The following PPM1B variants were observed in gnomAD, a reference collection of about 807,000 sequenced individuals.
The protein encoded by PPM1B is protein phosphatase, Mg2+/Mn2+ dependent 1B.
In PPM1B, 22 loss-of-function variants were observed where a neutral mutation model predicts 43.0. The observed-to-expected ratio is 0.51, with a 90% CI of 0.37 to 0.73. The LOEUF (loss-of-function observed/expected upper bound fraction) is 0.73. PPM1B is among the 30% of genes least tolerant of loss of function. The probability of loss-of-function intolerance (pLI) is 0.00; values close to 1 mark genes in which losing one functional copy is unlikely to be tolerated. For synonymous variants in PPM1B, 217 were observed against 197.9 expected, an observed-to-expected ratio of 1.10 and a Z score of -0.81; for missense variants, 632 against 584.2, an observed-to-expected ratio of 1.08 and a Z score of -0.84.
intron 2 of PPM1B, 111 bp from the exon 3 acceptor site, chr2:44,209,099 C>G (rs1208725301): frequency 2.0e-6 from 2 of 988,756 alleles, no homozygotes. Flanking sequence ...ATGTGTTAAA[C>G]ATAAACGTTC....
downstream of PPM1B, chr2:44,233,148 T>G (rs1434391807): frequency 2.1e-6 from 2 of 969,454 alleles, no homozygotes; most frequent in South Asian, 4.8e-5. Flanking sequence ...TTGTTTTACA[T>G]GTGGGTTTCT....
intron 1 of PPM1B, among the ~76,000 whole-genome samples, chr2:44,169,495 G>GC: frequency 6.6e-6 from 1 of 152,358 alleles, no homozygotes; most frequent in Middle Eastern, 3.4e-3. Context: ...CCTCCGCTGG[G>GC]CTGAGGTCTG....
intron 3 of PPM1B, among the ~76,000 whole-genome samples, chr2:44,213,533 C>T (rs1055849059): frequency 6.6e-6 from 1 of 151,942 alleles, no homozygotes; most frequent in Non-Finnish European, 1.5e-5. Context: ...TATGTAATTA[C>T]AATTAAAAGT....
At chr2:44,205,587 A>T (rs985062154) in intron 2 of PPM1B, among the ~76,000 whole-genome samples, 1 of 152,150 alleles carries the variant, frequency 6.6e-6, no homozygotes, top group Non-Finnish European at 1.5e-5. Flanking sequence ...GTGATTATTG[A>T]TAGAAATGTA....
chr2:44,179,745 A>C (rs1667771749), intron 1 of PPM1B, among the ~76,000 whole-genome samples: 1 of 152,318 alleles, frequency 6.6e-6, no homozygotes, highest in Admixed American at 6.5e-5. Flanking sequence ...ATGGTGGCTC[A>C]TGCCTGTAAT....
At chr2:44,240,818 G>A (rs1243211389) in intron 5 of PPM1B, among the ~76,000 whole-genome samples, 1 of 145,492 alleles carries the variant, frequency 6.9e-6, no homozygotes, top group Non-Finnish European at 1.5e-5. Flanking sequence ...AGAGAGTCCC[G>A]AGCTCCAGCA....
chr2:44,211,483 C>T (rs898111891), intron 3 of PPM1B, among the ~76,000 whole-genome samples: 8 of 152,100 alleles, frequency 5.3e-5, no homozygotes, highest in Admixed American at 1.3e-4. Flanking sequence ...ATCAGGGAGG[C>T]ATGTGATGTT....
chr2:44,198,279 G>GC (rs1375015408), intron 1 of PPM1B, among the ~76,000 whole-genome samples: 1 of 152,040 alleles, frequency 6.6e-6, no homozygotes, highest in Non-Finnish European at 1.5e-5. Flanking sequence ...TCCTGTCTCA[G>GC]CCCCCCGAGT....
intron 5 of PPM1B, among the ~76,000 whole-genome samples, chr2:44,227,379 A>T (rs1161840949): frequency 6.6e-6 from 1 of 152,164 alleles, no homozygotes; most frequent in African/African-American, 2.4e-5. Context: ...TTCAAAGAAA[A>T]TAAAGTATCT....
intron 2 of PPM1B, among the ~76,000 whole-genome samples, chr2:44,202,845 T>A (rs1053098802): frequency 6.6e-5 from 10 of 152,180 alleles, no homozygotes; most frequent in African/African-American, 1.9e-4. Flanking sequence ...ATCTTTAAAA[T>A]ACTCAGTTGT....
intron 1 of PPM1B, among the ~76,000 whole-genome samples, chr2:44,193,746 T>A (rs1668520530): frequency 6.6e-6 from 1 of 152,010 alleles, no homozygotes; most frequent in Non-Finnish European, 1.5e-5. Context: ...GCCCGGCTAA[T>A]TTTTGTAATT....
At chr2:44,221,009 CT>C (rs1226125816) in intron 5 of PPM1B, among the ~76,000 whole-genome samples, 4 of 152,104 alleles carry the variant, frequency 2.6e-5, no homozygotes, top group Non-Finnish European at 5.9e-5. Flanking sequence ...AGAGACCAGC[CT>C]TTTGAACATC....
intron 2 of PPM1B, among the ~76,000 whole-genome samples, chr2:44,204,052 G>T (rs561203462): frequency 4.0e-4 from 61 of 152,288 alleles, no homozygotes; most frequent in African/African-American, 1.4e-3. Context: ...CAGACAAGAA[G>T]TTGGGGCCCA....
chr2:44,232,179 ATC>A (rs1460150637), downstream of PPM1B: 2 of 1,308,574 alleles, frequency 1.5e-6, no homozygotes, highest in South Asian at 1.5e-5. Context: ...AATACACAAC[ATC>A]TCTCTGTAAA....
Position 44,201,423 on chromosome 2 carries a change from T to G in PPM1B, c.224T>G (p.Leu75Ter). Reference protein sequence around the residue: ...SRVANYCSTHLLEHITTNEDF... With the variant: ...SRVANYCSTH ...GTGGCAAATTACTGCTCAACACATT[T>G]ATTAGAACACATCACTACTAACGAA... Residue 75 changes from leucine (L) to a stop codon, truncating the protein, a stop_gained, in exon 2 of 6, where the codon TTA (leucine) becomes TGA (stop). Transcript: ENST00000282412. LOFTEE classifies it high-confidence loss of function. This position sits in a 1 kb window ranked among gnomAD's most constrained non-coding sequence, Gnocchi z 5.4. 1 of 1,614,180 alleles carries G rather than the reference T, an allele frequency of 6.2e-7. No homozygotes were observed.
intron 3 of PPM1B, among the ~76,000 whole-genome samples, chr2:44,214,506 T>C (rs1318590361): frequency 2.0e-5 from 3 of 151,928 alleles, no homozygotes; most frequent in Non-Finnish European, 1.5e-5. Context: ...TATGATAGAA[T>C]CTTGCAGTGG....
chr2:44,206,708 G>A (rs534325610), intron 2 of PPM1B, among the ~76,000 whole-genome samples: 2 of 151,730 alleles, frequency 1.3e-5, no homozygotes, highest in African/African-American at 4.9e-5. Context: ...TTTATAAAGT[G>A]TAATTATGCT....
chr2:44,246,066 C>T (rs948137438), downstream of PPM1B, among the ~76,000 whole-genome samples: 12 of 152,164 alleles, frequency 7.9e-5, no homozygotes, highest in African/African-American at 2.9e-4. Context: ...TCATTGATTA[C>T]CATTATATAT....
intron 3 of PPM1B, among the ~76,000 whole-genome samples, chr2:44,214,546 C>T (rs759578214): frequency 2.2e-4 from 34 of 151,868 alleles, no homozygotes; most frequent in Non-Finnish European, 4.6e-4. Flanking sequence ...ACTTGGGGTC[C>T]CATAAAGATA....
Sources: allele counts gnomAD v4.1 joint callset (sites outside exome capture counted in the v4.1 genomes callset), GRCh38; gene constraint gnomAD v4.1.1; non-coding constraint Gnocchi (gnomAD v3.1); transcripts MANE v1.5; gene names NCBI Gene and HGNC (gene_info 2026-07-23, HGNC 2026-07-21).